THSD1: variants seen among roughly 807,000 people sequenced by gnomAD.
The protein encoded by THSD1 is thrombospondin type-1 domain-containing protein 1.
Under a neutral mutation model 46.3 loss-of-function variants are expected in THSD1, and 34 were observed. That is an observed-to-expected ratio of 0.74 (90% CI 0.56 to 0.98). The LOEUF (loss-of-function observed/expected upper bound fraction) is 0.98. THSD1 is among the 50% of genes least tolerant of loss of function. THSD1 has a pLI of 0.00. For synonymous variants in THSD1, 407 were observed against 416.5 expected, an observed-to-expected ratio of 0.98 and a Z score of 0.28; for missense variants, 1,023 against 1,058.3, an observed-to-expected ratio of 0.97 and a Z score of 0.46.
chr13:52,388,948 G>A (rs1294246171), intron 3 of THSD1, among the ~76,000 whole-genome samples: 1 of 151,528 alleles, frequency 6.6e-6, no homozygotes, highest in African/African-American at 2.4e-5. Flanking sequence ...TAAACTCTAG[G>A]ACAACCACTA....
chr13:52,398,884 T>G (rs576889621), intron 2 of THSD1, among the ~76,000 whole-genome samples: 22 of 152,192 alleles, frequency 1.4e-4, no homozygotes, highest in Non-Finnish European at 3.2e-4. Context: ...AATGACACAA[T>G]ACAAATTGTT....
chr13:52,398,232 C>G, intron 2 of THSD1, 38 bp from the exon 3 acceptor site: 1 of 1,571,592 alleles, frequency 6.4e-7, no homozygotes, highest in Non-Finnish European at 8.6e-7. Flanking sequence ...TTAAAAGGTG[C>G]ATTTGAGAAG....
In THSD1 at chr13:52,378,529, C is replaced by G. The variant is rs762147836; in HGVS notation, c.1441G>C (p.Gly481Arg). The change falls in exon 5 of 5, where the codon GGG (glycine) becomes CGG (arginine). Residue 481 changes from glycine to arginine, a missense_variant. Gly to Arg is a moderately radical substitution (Grantham distance 125). This residue lies in a region of THSD1 where 578 missense variants were observed against 497.4 expected (regional missense o/e 1.16). Transcript: ENST00000258613. ...LSEQRGSFSD[G>R]GDGPTGSPGD... is the part of the protein sequence containing the mutation. ...GGACTCCCCGTGGGCCCGTCTCCCC[C>G]ATCCGAGAAGCTCCCGCGCTGCTCG... The G allele has an allele frequency of 9.3e-6, 15 of 1,614,078 alleles. No homozygotes were observed. The highest frequency in any genetic ancestry group is 2.2e-5 in the South Asian group (2 of 91,086).
intron 3 of THSD1, among the ~76,000 whole-genome samples, chr13:52,387,244 T>C (rs1325728743): frequency 3.9e-5 from 6 of 152,096 alleles, no homozygotes; most frequent in Non-Finnish European, 8.8e-5. Flanking sequence ...TCAAAAAATG[T>C]CAAATGTGAT....
Position 52,377,562 on chromosome 13 carries a change from A to C in THSD1, c.2408T>G (p.Phe803Cys). The C allele has an allele frequency of 1.2e-6, 2 of 1,601,204 alleles. No individual in the cohort carries two copies. Among genetic ancestry groups the C allele is most frequent in the East Asian group, 2.2e-5 (1 of 44,582 alleles). ...SQCRKDKCQS[F>C]PTHPEFAFYD... ...GAAGGCAAACTCAGGGTGAGTGGGG[A>C]AGCTTTGACACTTGTCTTTTCTACA... The change falls in exon 5 of 5, where the codon TTC becomes TGC. Residue 803 changes from phenylalanine (F) to cysteine (C), a missense_variant. Physicochemically the swap from Phe to Cys is radical, Grantham distance 205. Transcript: ENST00000258613.
rs1957655137 is a variant in THSD1 at position 52,378,218 on chromosome 13, C to G, written c.1752G>C (p.Lys584Asn). 2 of 1,614,084 alleles carry G rather than the reference C, an allele frequency of 1.2e-6. No homozygotes were observed. The highest frequency in any genetic ancestry group is 1.7e-6 in the Non-Finnish European group (2 of 1,180,054). The change falls in exon 5 of 5, where the codon AAG becomes AAC. Residue 584 changes from lysine (K) to asparagine (N), a missense_variant. By Grantham distance (94) the Lys-to-Asn change is moderately conservative. Transcript: ENST00000258613. ...LESPEEAAAN[K>N]FRIKSPFPEQ... ...CCGGAAATGGGGATTTGATCCGGAACTTGTTTGCTGCAGCTTCTTCCGGGC... is the reference window on the plus strand; with the variant it reads ...CCGGAAATGGGGATTTGATCCGGAAGTTGTTTGCTGCAGCTTCTTCCGGGC...
intron 3 of THSD1, among the ~76,000 whole-genome samples, chr13:52,392,696 T>G (rs1957782445): frequency 6.6e-6 from 1 of 152,226 alleles, no homozygotes; most frequent in South Asian, 2.1e-4. Context: ...TAAAGCTATC[T>G]GAAGGAATAC....
intron 1 of THSD1, 147 bp from the exon 2 acceptor site, chr13:52,402,828 A>G (rs924031974): frequency 2.2e-6 from 3 of 1,356,692 alleles, no homozygotes; most frequent in Admixed American, 3.2e-5. Flanking sequence ...CCCTGGGGCA[A>G]TGACTTATAA....
chr13:52,388,414 C>T (rs1957749401), intron 3 of THSD1, among the ~76,000 whole-genome samples: 1 of 152,064 alleles, frequency 6.6e-6, no homozygotes, highest in Non-Finnish European at 1.5e-5. Context: ...AATCATTTTT[C>T]TCATTTTTAA....
rs1428442575 is a variant in THSD1, at chr13:52,386,056, G to A, written c.1152C>T (p.Ala384=). ...SPVCPGMSLE[A]SLCSLEECAA... is the part of the protein sequence containing the mutation. ...CACACTCCTCCAGGGAACACAGGGA[G>A]GCCTCCAAGGACATTCCAGGGCAGA... Residue 384 remains alanine (A), a synonymous_variant, in exon 4 of 5, where the codon GCC becomes GCT. Transcript: ENST00000258613. 2 of 1,614,060 alleles carry A rather than the reference G, an allele frequency of 1.2e-6. No individual in the cohort carries two copies. Among genetic ancestry groups the A allele is most frequent in the Admixed American group, 3.3e-5 (2 of 60,018 alleles).
At chr13:52,387,151 C>T (rs886896680) in intron 3 of THSD1, among the ~76,000 whole-genome samples, 1 of 152,206 alleles carries the variant, frequency 6.6e-6, no homozygotes, top group African/African-American at 2.4e-5. Context: ...TGTGCAGGCT[C>T]ACACCTAAAG....
intron 1 of THSD1, among the ~76,000 whole-genome samples, chr13:52,405,419 T>G (rs1345424988): frequency 1.3e-5 from 2 of 152,246 alleles, no homozygotes; most frequent in East Asian, 3.9e-4. Context: ...CATGCTTGTG[T>G]GTATATATAC....
chr13:52,382,855 A>T (rs34286065), intron 4 of THSD1, among the ~76,000 whole-genome samples: 1,952 of 151,914 alleles, frequency 0.013, 23 homozygotes, highest in Non-Finnish European at 0.019. Context: ...ACAAAAACTT[A>T]GCCGGGTGTG....
rs555757928 is a variant in THSD1 at position 52,403,700 on chromosome 13, G to A, written c.-81-1019C>T. On this transcript the variant is annotated intron_variant, in intron 1 of 4. Coordinates refer to ENST00000258613, the MANE Select transcript of THSD1 (RefSeq NM_018676.4). Reference sequence around the variant, plus strand: ...GTTTCATTGTGTTAGGCAGGATCTCGATCTCCTGACCTCGTGATCTGCCCA... The same window carrying A: ...GTTTCATTGTGTTAGGCAGGATCTCAATCTCCTGACCTCGTGATCTGCCCA... Among the ~76,000 whole-genome samples, 9 of 152,122 alleles carry A rather than the reference G, an allele frequency of 5.9e-5. No individual in the cohort carries two copies. The East Asian group carries it at 9.7e-4, about 16-fold the overall frequency.
At chr13:52,386,692 C>T (rs1190674005) in intron 3 of THSD1, among the ~76,000 whole-genome samples, 1 of 152,164 alleles carries the variant, frequency 6.6e-6, no homozygotes, top group Non-Finnish European at 1.5e-5. Flanking sequence ...GATGCAAGAC[C>T]AGACAAAGCC....
intron 1 of THSD1, among the ~76,000 whole-genome samples, chr13:52,403,521 G>C (rs999709667): frequency 2.6e-5 from 4 of 152,110 alleles, no homozygotes; most frequent in African/African-American, 9.7e-5. Flanking sequence ...TCACTCTGTC[G>C]CCTAGGCTGG....
Position 52,398,027 on chromosome 13 carries a change from A to G in THSD1, c.226T>C (p.Tyr76His). 6.2e-7 allele frequency: 1 copy of G among 1,614,216 alleles called. No homozygotes were observed. Among genetic ancestry groups the G allele is most frequent in the Admixed American group, 1.7e-5 (1 of 60,022 alleles). ...ANTNQTVTTKYLLTNQSQGTL... is the reference protein window; with the variant it reads ...ANTNQTVTTKHLLTNQSQGTL... ...CCCTGGGACTGGTTGGTCAGGAGGT[A>G]CTTGGTAGTTACAGTCTGATTGGTG... Residue 76 changes from tyrosine (Y) to histidine (H), a missense_variant, in exon 3 of 5, where the codon TAC (tyrosine) becomes CAC (histidine). By Grantham distance (83) the Tyr-to-His change is moderately conservative. This residue lies in a region of THSD1 where 429 missense variants were observed against 518.3 expected (regional missense o/e 0.83). Coordinates refer to ENST00000258613, the MANE Select transcript of THSD1 (RefSeq NM_018676.4).
Position 52,377,817 on chromosome 13 carries a change from G to T in THSD1, c.2153C>A (p.Thr718Asn). The change falls in exon 5 of 5, where the codon ACC (threonine) becomes AAC (asparagine). Residue 718 changes from threonine to asparagine, a missense_variant. Transcript: ENST00000258613. ...KLEHFQEASG[T>N]RGPLNPLPKS... ...AGGGAGAGGGTTTAATGGACCACGG[G>T]TTCCACTTGCCTCTTGGAAATGCTC... 6.2e-7 allele frequency: 1 copy of T among 1,614,230 alleles called. No individual in the cohort carries two copies. The highest frequency in any genetic ancestry group is 8.5e-7 in the Non-Finnish European group (1 of 1,180,056).
At chr13:52,391,683 ACAGGCACG>A (rs1957773830) in intron 3 of THSD1, among the ~76,000 whole-genome samples, 1 of 151,742 alleles carries the variant, frequency 6.6e-6, no homozygotes, top group Admixed American at 6.6e-5. Context: ...AGCTGGGACT[ACAGGCACG>A]TGCCACCATG....
Sources: gnomAD v4.1 joint callset for allele counts (sites outside exome capture counted in the v4.1 genomes callset) on GRCh38, gnomAD v4.1.1 for gene constraint, gnomAD v4.1.1 regional missense constraint, MANE v1.5 for transcripts, NCBI Gene and HGNC (gene_info 2026-07-23, HGNC 2026-07-21) for gene names.